SLC35D4: variants seen among roughly 807,000 people sequenced by gnomAD.
SLC35D4 encodes the protein solute carrier family 35 member D4, also known as UDP-N-acetylglucosamine transporter SLC35D4.
At chr18:23,248,750 A>G in the SLC35D4 span, among the ~76,000 whole-genome samples, 14 of 152,246 alleles carry the variant, frequency 9.2e-5, no homozygotes, top group Non-Finnish European at 2.1e-4. Context: ...GCTTGAACCC[A>G]GGAGGCAGGG....
the SLC35D4 span, among the ~76,000 whole-genome samples, chr18:23,403,652 T>C: frequency 2.0e-5 from 3 of 152,150 alleles, no homozygotes; most frequent in Admixed American, 1.3e-4. Flanking sequence ...GGGTTAGGGG[T>C]GGTGCATTAA....
chr18:23,393,137 G>A, the SLC35D4 span, among the ~76,000 whole-genome samples: 2 of 151,894 alleles, frequency 1.3e-5, no homozygotes, highest in Non-Finnish European at 2.9e-5. Flanking sequence ...GGATGGTCTC[G>A]ATCTCCTGAC....
At chr18:23,401,715 A>G in the SLC35D4 span, among the ~76,000 whole-genome samples, 1 of 152,158 alleles carries the variant, frequency 6.6e-6, no homozygotes, top group Non-Finnish European at 1.5e-5. Context: ...AGGACTTTGG[A>G]ATGTAAGGTC....
At chr18:23,431,691 T>A in the SLC35D4 span, among the ~76,000 whole-genome samples, 1 of 152,322 alleles carries the variant, frequency 6.6e-6, no homozygotes, top group South Asian at 2.1e-4. Context: ...GGACTTTTTT[T>A]AAACCAACTC....
At chr18:23,278,341 A>G in the SLC35D4 span, among the ~76,000 whole-genome samples, 1 of 152,230 alleles carries the variant, frequency 6.6e-6, no homozygotes, top group Non-Finnish European at 1.5e-5. Flanking sequence ...AAAAGAAGGC[A>G]GAGAATACAA....
At chr18:23,370,570 A>G in the SLC35D4 span, among the ~76,000 whole-genome samples, 3 of 152,208 alleles carry the variant, frequency 2.0e-5, no homozygotes, top group Non-Finnish European at 2.9e-5. Context: ...CTTCCTTGAC[A>G]TGACGCACAT....
At chr18:23,302,113 A>C in the SLC35D4 span, among the ~76,000 whole-genome samples, 1 of 152,258 alleles carries the variant, frequency 6.6e-6, no homozygotes, top group African/African-American at 2.4e-5. Context: ...CCTTTCTCCT[A>C]GAGCTGCTCA....
chr18:23,371,601 C>A, the SLC35D4 span: 1 of 605,894 alleles, frequency 1.7e-6, no homozygotes, highest in Non-Finnish European at 2.8e-6. Context: ...CTCCTGGGGC[C>A]GTACATCAGT....
chr18:23,271,006 T>C, the SLC35D4 span, among the ~76,000 whole-genome samples: 3 of 152,206 alleles, frequency 2.0e-5, no homozygotes, highest in African/African-American at 7.2e-5. Context: ...TGGAATAATA[T>C]GGTTTGTCTG....
the SLC35D4 span, among the ~76,000 whole-genome samples, chr18:23,246,391 G>A: frequency 1.1e-4 from 16 of 151,812 alleles, no homozygotes; most frequent in Non-Finnish European, 2.2e-4. Flanking sequence ...GCAAGTTTTT[G>A]TTTTTTGGTT....
At chr18:23,407,577 T>TCACACA in the SLC35D4 span, among the ~76,000 whole-genome samples, 2,309 of 151,056 alleles carry the variant, frequency 0.015, 57 homozygotes, top group African/African-American at 0.052. Context: ...TCTCTTTATC[T>TCACACA]CACACACACA....
the SLC35D4 span, among the ~76,000 whole-genome samples, chr18:23,349,097 A>AT: frequency 1.3e-5 from 2 of 151,854 alleles, no homozygotes; most frequent in Non-Finnish European, 1.5e-5. Flanking sequence ...CACTTTTAAG[A>AT]TTTTCTCCTT....
chr18:23,309,033 T>C, the SLC35D4 span, among the ~76,000 whole-genome samples: 1 of 152,116 alleles, frequency 6.6e-6, no homozygotes, highest in Non-Finnish European at 1.5e-5. Context: ...AAATCATCTC[T>C]AGATTACTTG....
At chr18:23,334,503 G>A in the SLC35D4 span, among the ~76,000 whole-genome samples, 122 of 152,346 alleles carry the variant, frequency 8.0e-4, no homozygotes, top group African/African-American at 2.9e-3. Flanking sequence ...AAAGCAATTA[G>A]CTGTTGACTT....
the SLC35D4 span, chr18:23,258,653 A>G: frequency 6.6e-6 from 1 of 152,210 alleles, no homozygotes. Flanking sequence ...TGCTTTTTGT[A>G]TACCTGTATG....
chr18:23,301,744 ATAAT>A, the SLC35D4 span, among the ~76,000 whole-genome samples: 4 of 152,380 alleles, frequency 2.6e-5, no homozygotes, highest in African/African-American at 9.6e-5. Context: ...AGGAGTCACC[ATAAT>A]TAATTCCACT....
chr18:23,358,398 C>G, the SLC35D4 span, among the ~76,000 whole-genome samples: 4 of 151,218 alleles, frequency 2.6e-5, no homozygotes, highest in South Asian at 8.4e-4. Context: ...TGGAGGGGGT[C>G]TAAAGAGCAG....
At chr18:23,385,959 G>T in the SLC35D4 span, among the ~76,000 whole-genome samples, 1 of 151,610 alleles carries the variant, frequency 6.6e-6, no homozygotes. Context: ...GTGAAATCCC[G>T]TCTCTACTAA....
At chr18:23,312,661 G>A in the SLC35D4 span, among the ~76,000 whole-genome samples, 14 of 152,146 alleles carry the variant, frequency 9.2e-5, no homozygotes, top group Non-Finnish European at 1.6e-4. Flanking sequence ...TCCCCAGCAC[G>A]TGGTTTCTAC....
Sources: gnomAD v4.1 joint callset for allele counts (sites outside exome capture counted in the v4.1 genomes callset) on GRCh38, gnomAD v4.1.1 for gene constraint, MANE v1.5 for transcripts, NCBI Gene and HGNC (gene_info 2026-07-23, HGNC 2026-07-21) for gene names.